Variants in CACNA1H observed in about 807,000 individuals in gnomAD.
CACNA1H encodes voltage-dependent T-type calcium channel subunit alpha-1H.
In CACNA1H, 149 loss-of-function variants were observed where a neutral mutation model predicts 192.5. That is an observed-to-expected ratio of 0.77 (90% confidence interval 0.68 to 0.89). The LOEUF (loss-of-function observed/expected upper bound fraction) is 0.89. CACNA1H is among the 40% of genes least tolerant of loss of function. CACNA1H has a pLI of 0.00. For synonymous variants in CACNA1H, 2,202 were observed against 1,475.2 expected (o/e 1.49, Z -11.29); for missense variants, 4,257 against 3,423.5 (o/e 1.24, Z -6.08).
At chr16:1,194,489 G>A (rs145137686) in intron 2 of CACNA1H, among the ~76,000 whole-genome samples, 2,120 of 152,288 alleles carry the variant, frequency 0.014, 23 homozygotes, top group Non-Finnish European at 0.019. Context: ...AGGGTGGGAC[G>A]GGGAGTCCTG....
intron 2 of CACNA1H, among the ~76,000 whole-genome samples, chr16:1,189,837 TTCAGGCCTCTC>T (rs1966440536): frequency 6.6e-6 from 1 of 152,172 alleles, no homozygotes; most frequent in Non-Finnish European, 1.5e-5. Flanking sequence ...TGTTCCCCTG[TTCAGGCCTCTC>T]TCTGGGGGGT....
rs59027578 is a variant in CACNA1H, at chr16:1,213,939, C to T, written c.4929+8C>T. ...CACTATAACCAACCCAAGGTGGGTG[C>T]GAGGGGGCCGCGAGGGGCCCAGGGG... On this transcript the variant is annotated splice_region_variant and intron_variant, in intron 27 of 34. Coordinates refer to ENST00000348261, the MANE Select transcript of CACNA1H (RefSeq NM_021098.3). The T allele has an allele frequency of 1.5e-3, 2,411 of 1,607,192 alleles. 53 individuals are homozygous for T. The East Asian group carries it at 0.039, about 26-fold the overall frequency.
Position 1,200,897 on chromosome 16 carries a change from C to T in CACNA1H, c.1212+89C>T, listed in dbSNP as rs1023888648. On this transcript the variant is annotated intron_variant, in intron 8 of 34. Coordinates refer to ENST00000348261, the MANE Select transcript of CACNA1H (RefSeq NM_021098.3). ...GGGTACCTGGGTGGTCATAGGGGCT[C>T]CTGTCTGTCTTCCAGCTGAAGGGAG... is the stretch of plus-strand genomic sequence containing the variant. 1.6e-4 allele frequency: 151 copies of T among 971,580 alleles called. No homozygotes were observed. In the East Asian group the frequency reaches 3.4e-3, roughly 22 times the overall value. The allele number at this position is 971,580 out of a possible 1,614,324, so 60.2% of individuals were successfully genotyped here. A position where few individuals can be genotyped will look rare whatever the true frequency, so the allele number is the denominator to read the frequency against.
intron 21 of CACNA1H, 83 bp downstream of exon 21, chr16:1,211,054 T>C (rs1969385242): frequency 6.4e-7 from 1 of 1,558,694 alleles, no homozygotes; most frequent in East Asian, 2.2e-5. Flanking sequence ...CCCGCAGTCC[T>C]GGGCTGTTCG....
intron 16 of CACNA1H, 47 bp from the exon 17 acceptor site, chr16:1,208,985 G>T: frequency 1.4e-6 from 2 of 1,454,998 alleles, no homozygotes; most frequent in Non-Finnish European, 9.0e-7. Context: ...ACAGCGGTCG[G>T]TGCTAATAGT....
At chr16:1,211,841 G>A in intron 24 of CACNA1H, 36 bp downstream of exon 24, 3 of 1,610,690 alleles carry the variant, frequency 1.9e-6, no homozygotes, top group South Asian at 1.1e-5. Flanking sequence ...TCACCTCAGG[G>A]TCTCCCGCGA....
rs562316147 is a variant in CACNA1H, at chr16:1,195,537, A to C, written c.517A>C (p.Arg173=). The C allele has an allele frequency of 6.2e-7, 1 of 1,606,322 alleles. No homozygotes were observed. The highest frequency in any genetic ancestry group is 1.3e-5 in the African/African-American group (1 of 74,936). The stretch of plus-strand genomic sequence containing the variant: ...GTGTTACCTGGGTGACACGTGGAAC[A>C]GGCTGGATTTCTTCATCGTCGTGGC... ...QKCYLGDTWN[R]LDFFIVVAGM... The change falls in exon 4 of 35, where the codon AGG becomes CGG. Residue 173 remains arginine (R), a synonymous_variant. Coordinates refer to ENST00000348261, the MANE Select transcript of CACNA1H (RefSeq NM_021098.3).
Position 1,202,200 on chromosome 16 carries a change from G to A in CACNA1H, c.1750G>A (p.Gly584Arg). 1 of 1,553,326 alleles carries A rather than the reference G, an allele frequency of 6.4e-7. No individual in the cohort carries two copies. The highest frequency in any genetic ancestry group is 8.7e-7 in the Non-Finnish European group (1 of 1,149,508). Residue 584 changes from glycine to arginine, a missense_variant, in exon 9 of 35, where the codon GGG becomes AGG. By Grantham distance (125) the Gly-to-Arg change is moderately radical (BLOSUM62 -2). Transcript: ENST00000348261. ...CTACCATGCCGACTGCCACATAGAG[G>A]GGCCGCAGGAGAGGGCCCGGGTGGC... ...SIYHADCHIE[G>R]PQERARVAHA...
chr16:1,213,740 C>T (rs761450369), intron 26 of CACNA1H, 40 bp from the exon 27 acceptor site: 63 of 1,466,242 alleles, frequency 4.3e-5, no homozygotes, highest in Admixed American at 3.9e-4. Flanking sequence ...GAGCGCCGGG[C>T]GGCCCTCCTG....
chr16:1,211,019 C>T (rs770207911), intron 21 of CACNA1H, 48 bp downstream of exon 21: 11 of 1,571,680 alleles, frequency 7.0e-6, no homozygotes, highest in African/African-American at 1.3e-5. Flanking sequence ...AGCACAGTCC[C>T]CTGACGCCAC....
Position 1,207,092 on chromosome 16 carries a change from C to T in CACNA1H, c.2881C>T (p.Leu961=), listed in dbSNP as rs58615599. The change falls in exon 13 of 35, where the codon CTG becomes TTG. Residue 961 remains leucine (L), a synonymous_variant. Transcript: ENST00000348261. The part of the protein sequence containing the change: ...VPDRKNFDSL[L]WAIVTVFQIL... ...TGACAGGAAGAACTTCGACTCCCTGCTGTGGGCCATCGTCACCGTGTTCCA... is the reference window on the plus strand; with the variant it reads ...TGACAGGAAGAACTTCGACTCCCTGTTGTGGGCCATCGTCACCGTGTTCCA... 7.8e-3 allele frequency: 12,454 copies of T among 1,598,686 alleles called. 67 individuals carry two copies. The highest frequency in any genetic ancestry group is 9.7e-3 in the Non-Finnish European group (11,382 of 1,172,494).
chr16:1,183,570 T>C (rs1326624761), intron 2 of CACNA1H, among the ~76,000 whole-genome samples: 1 of 152,140 alleles, frequency 6.6e-6, no homozygotes. Context: ...TCCCTCCCGC[T>C]AAGAGGCCCC....
chr16:1,208,525 G>A (rs750379320), intron 16 of CACNA1H, among the ~76,000 whole-genome samples: 6 of 152,310 alleles, frequency 3.9e-5, no homozygotes, highest in East Asian at 1.9e-4. Flanking sequence ...GCAAGCAGAC[G>A]GCAGGCCAGG....
chr16:1,181,030 G>A (rs553035928), intron 2 of CACNA1H, among the ~76,000 whole-genome samples: 7 of 152,222 alleles, frequency 4.6e-5, no homozygotes, highest in Non-Finnish European at 7.3e-5. Flanking sequence ...GTCCCCTGGG[G>A]TGGTCTCTAA....
At chr16:1,186,729 G>A (rs768639929) in intron 2 of CACNA1H, among the ~76,000 whole-genome samples, 9 of 152,184 alleles carry the variant, frequency 5.9e-5, no homozygotes, top group African/African-American at 1.9e-4. Flanking sequence ...GGGTGGCCAC[G>A]TAATGCTTCC....
At chr16:1,193,151 C>T (rs1036598803) in intron 2 of CACNA1H, among the ~76,000 whole-genome samples, 1 of 152,184 alleles carries the variant, frequency 6.6e-6, no homozygotes, top group African/African-American at 2.4e-5. Flanking sequence ...CTTTGAGCTC[C>T]TCCCCGCCAG....
rs1969750604 is a variant in CACNA1H, at chr16:1,213,879, T to C, written c.4877T>C (p.Ile1626Thr). 5 of 1,611,694 alleles carry C rather than the reference T, an allele frequency of 3.1e-6. No individual in the cohort carries two copies. Among genetic ancestry groups the C allele is most frequent in the Non-Finnish European group, 3.4e-6 (4 of 1,179,308 alleles). Residue 1626 changes from isoleucine (I) to threonine (T), a missense_variant, in exon 27 of 35, where the codon ATC (isoleucine) becomes ACC (threonine). Physicochemically the swap from Ile to Thr is moderately conservative, Grantham distance 89. Coordinates refer to ENST00000348261, the MANE Select transcript of CACNA1H (RefSeq NM_021098.3). ...TATCTCGACCTCTTCATCACCTTCA[T>C]CATCTGTGTCAACGTCATCACCATG... ...SHYLDLFITF[I>T]ICVNVITMSM...
intron 11 of CACNA1H, among the ~76,000 whole-genome samples, chr16:1,205,889 G>A (rs1326458116): frequency 6.6e-6 from 1 of 152,232 alleles, no homozygotes; most frequent in East Asian, 1.9e-4. Flanking sequence ...GGGGGCACTG[G>A]GGGCCGGGTA....
intron 9 of CACNA1H, among the ~76,000 whole-genome samples, chr16:1,203,530 T>A (rs1264209435): frequency 6.6e-6 from 1 of 152,084 alleles, no homozygotes; most frequent in Non-Finnish European, 1.5e-5. Context: ...AATGTATGGT[T>A]TTTCTGATGT....
Sources: allele counts gnomAD v4.1 joint callset (sites outside exome capture counted in the v4.1 genomes callset), GRCh38; gene constraint gnomAD v4.1.1; transcripts MANE v1.5; gene names NCBI Gene and HGNC (gene_info 2026-07-23, HGNC 2026-07-21).